The following LEKR1 variants were observed in gnomAD, a reference collection of about 807,000 sequenced individuals.
LEKR1 encodes the protein protein LEKR1.
Under a neutral mutation model 72.4 loss-of-function variants are expected in LEKR1, and 59 were observed. That is an observed-to-expected ratio of 0.82 (90% CI 0.66 to 1.01). The LOEUF (loss-of-function observed/expected upper bound fraction) is 1.01, where lower values mean the gene tolerates loss of function less well. Among genes scored for constraint, LEKR1 ranks in the 50% least tolerant of loss-of-function variants. The pLI is 0.00. For missense variants in LEKR1, 728 were observed against 759.2 expected, an observed-to-expected ratio of 0.96 and a Z score of 0.48; for synonymous variants, 257 against 263.2, an observed-to-expected ratio of 0.98 and a Z score of 0.23.
intron 3 of LEKR1, among the ~76,000 whole-genome samples, chr3:156,899,974 A>G (rs935175620): frequency 4.6e-5 from 7 of 152,112 alleles, no homozygotes; most frequent in African/African-American, 1.7e-4. Flanking sequence ...TGGGATAGCT[A>G]AAGGCTCATT....
intron 3 of LEKR1, 23 bp from the exon 4 acceptor site, chr3:156,920,552 G>A: frequency 7.2e-7 from 1 of 1,395,244 alleles, no homozygotes; most frequent in Non-Finnish European, 9.7e-7. Context: ...GAATACTTAA[G>A]GAATGTTTGT....
rs1009628856 is a variant in LEKR1, at chr3:156,955,829, T to C, written c.745+13115T>C. On this transcript the variant is annotated intron_variant, in intron 6 of 12. Coordinates refer to ENST00000356539, the MANE Select transcript of LEKR1 (RefSeq NM_001004316.3). ...TTTCTTTTTGTTGTTGTTGTTGTTGTTGTTGTTACATCTCTGCCAGGTTTG... is the reference window on the plus strand; with the variant it reads ...TTTCTTTTTGTTGTTGTTGTTGTTGCTGTTGTTACATCTCTGCCAGGTTTG... 7.3e-5 allele frequency among the ~76,000 whole-genome samples: 11 copies of C among 151,718 alleles called. No individual in the cohort carries two copies. In the South Asian group the frequency reaches 2.3e-3, roughly 32 times the overall value.
intron 5 of LEKR1, among the ~76,000 whole-genome samples, chr3:156,934,856 C>A (rs1463596027): frequency 6.6e-6 from 1 of 151,974 alleles, no homozygotes; most frequent in African/African-American, 2.4e-5. Context: ...AAAATATAGT[C>A]ATGCCAATTA....
rs541076438 is a variant in LEKR1 at position 156,843,652 on chromosome 3, A to G, written c.49-9116A>G. ...GGAACTTTGAAATTTATCCAGAATAACAGTTTTATATTTCCAAGCACAGAT... is the reference window on the plus strand; with the variant it reads ...GGAACTTTGAAATTTATCCAGAATAGCAGTTTTATATTTCCAAGCACAGAT... On this transcript the variant is annotated intron_variant, in intron 2 of 12. Coordinates refer to ENST00000356539, the MANE Select transcript of LEKR1 (RefSeq NM_001004316.3). 2.6e-5 allele frequency among the ~76,000 whole-genome samples: 4 copies of G among 152,274 alleles called. No homozygotes were observed. The South Asian group carries it at 8.3e-4, about 32-fold the overall frequency.
At chr3:156,837,222 A>G (rs190658832) in intron 2 of LEKR1, among the ~76,000 whole-genome samples, 32 of 152,322 alleles carry the variant, frequency 2.1e-4, no homozygotes, top group African/African-American at 7.7e-4. Flanking sequence ...GTCCCCAAGA[A>G]TTCACTCTCT....
chr3:157,009,139 A>G (rs1407621397), intron 9 of LEKR1, among the ~76,000 whole-genome samples: 1 of 152,156 alleles, frequency 6.6e-6, no homozygotes, highest in African/African-American at 2.4e-5. Context: ...CTATAGAAGT[A>G]TTATGTTATA....
rs1576701220 is a variant in LEKR1 at position 156,870,326 on chromosome 3, T to G, written c.263+17344T>G. Reference sequence around the variant, plus strand: ...TCATTTTAATGATACTAATTTTTCTTATTCATGAGCATACAATGTCTTTTC... The same window carrying G: ...TCATTTTAATGATACTAATTTTTCTGATTCATGAGCATACAATGTCTTTTC... On this transcript the variant is annotated intron_variant, in intron 3 of 12. Coordinates refer to ENST00000356539, the MANE Select transcript of LEKR1 (RefSeq NM_001004316.3). 2.0e-5 allele frequency among the ~76,000 whole-genome samples: 3 copies of G among 152,254 alleles called. No homozygotes were observed. The Middle Eastern group carries it at 0.01, about 518-fold the overall frequency.
chr3:156,916,895 C>T (rs1723707842), intron 3 of LEKR1, among the ~76,000 whole-genome samples: 1 of 151,932 alleles, frequency 6.6e-6, no homozygotes, highest in South Asian at 2.1e-4. Flanking sequence ...TGTGAGAGTA[C>T]TTCATTCTTG....
intron 2 of LEKR1, among the ~76,000 whole-genome samples, chr3:156,836,276 A>G (rs1245516510): frequency 6.6e-6 from 1 of 152,172 alleles, no homozygotes; most frequent in African/African-American, 2.4e-5. Flanking sequence ...TTTACTTACA[A>G]TTTTGTGGGT....
intron 3 of LEKR1, among the ~76,000 whole-genome samples, chr3:156,863,764 A>C (rs1319737875): frequency 6.6e-6 from 1 of 152,090 alleles, no homozygotes; most frequent in Non-Finnish European, 1.5e-5. Context: ...TTAGTTGAAG[A>C]AACCAAACAA....
rs1413349570 is a variant in LEKR1, at chr3:157,045,412, G to A, written c.1741G>A (p.Ala581Thr). The A allele has an allele frequency of 6.2e-7, 1 of 1,614,124 alleles. No individual in the cohort carries two copies. Among genetic ancestry groups the A allele is most frequent in the East Asian group, 2.2e-5 (1 of 44,882 alleles). Residue 581 changes from alanine to threonine, a missense_variant, in exon 13 of 13, where the codon GCC (alanine) becomes ACC (threonine). Physicochemically the swap from Ala to Thr is moderately conservative, Grantham distance 58 (BLOSUM62 0). Coordinates refer to ENST00000356539, the MANE Select transcript of LEKR1 (RefSeq NM_001004316.3). ...TGAACTGACAGAGGCTTTGAGTCAA[G>A]CCAGAGAACAGCTCCTGGAGCTCAG... ...RFELTEALSQ[A>T]REQLLELSKL...
chr3:156,832,404 C>G (rs1013500000), intron 2 of LEKR1, among the ~76,000 whole-genome samples: 3 of 152,184 alleles, frequency 2.0e-5, no homozygotes, highest in African/African-American at 7.2e-5. Context: ...CAATTTTTCT[C>G]TCTCCAGTTC....
intron 3 of LEKR1, among the ~76,000 whole-genome samples, chr3:156,917,890 C>CCAGA (rs1723800518): frequency 6.6e-6 from 1 of 151,968 alleles, no homozygotes; most frequent in Non-Finnish European, 1.5e-5. Context: ...AGAGCATAAA[C>CCAGA]CAGACTATAG....
chr3:157,028,859 T>C (rs1406719898), intron 12 of LEKR1, among the ~76,000 whole-genome samples: 1 of 152,222 alleles, frequency 6.6e-6, no homozygotes. Context: ...TATAAGGTAA[T>C]ATGCATGCGT....
At chr3:156,890,744 A>G (rs968931039) in intron 3 of LEKR1, among the ~76,000 whole-genome samples, 3 of 152,156 alleles carry the variant, frequency 2.0e-5, no homozygotes, top group Non-Finnish European at 2.9e-5. Flanking sequence ...AATTGAGATC[A>G]GTGTGATCAG....
chr3:156,865,675 A>T (rs868709074), intron 3 of LEKR1, among the ~76,000 whole-genome samples: 2 of 152,026 alleles, frequency 1.3e-5, no homozygotes, highest in African/African-American at 2.4e-5. Flanking sequence ...TGCATATTTG[A>T]TCATTGTATC....
At chr3:156,920,207 A>G (rs1165002378) in intron 3 of LEKR1, among the ~76,000 whole-genome samples, 1 of 152,236 alleles carries the variant, frequency 6.6e-6, no homozygotes, top group Non-Finnish European at 1.5e-5. Flanking sequence ...GGACTAAGGC[A>G]GTAATATTTG....
At chr3:156,904,127 A>T (rs139396594) in intron 3 of LEKR1, among the ~76,000 whole-genome samples, 9 of 152,232 alleles carry the variant, frequency 5.9e-5, no homozygotes, top group African/African-American at 2.2e-4. Context: ...ACCAACGCCT[A>T]CTGGGCATTG....
In LEKR1 at chr3:157,031,638, T is replaced by C. The variant is rs1471572541; in HGVS notation, c.1668+3236T>C. Among the ~76,000 whole-genome samples the C allele has an allele frequency of 3.9e-5, 6 of 152,254 alleles. No homozygotes were observed. In the South Asian group the frequency reaches 1.0e-3, roughly 26 times the overall value. On this transcript the variant is annotated intron_variant, in intron 12 of 12. Transcript: ENST00000356539. The stretch of plus-strand genomic sequence containing the variant: ...GCATGTAAAGTGAAAAGCACCACTT[T>C]TTTTGAAAATGCATTCCAGACACTT...
Sources: allele counts gnomAD v4.1 joint callset (sites outside exome capture counted in the v4.1 genomes callset), GRCh38; gene constraint gnomAD v4.1.1; transcripts MANE v1.5; gene names NCBI Gene and HGNC (gene_info 2026-07-23, HGNC 2026-07-21).